Variants in AKNA observed in about 807,000 individuals in gnomAD.
AKNA encodes the protein AT-hook transcription factor, also known as microtubule organization protein AKNA.
A neutral mutation model predicts 138.8 loss-of-function variants in AKNA; 67 were observed. That is an observed-to-expected ratio of 0.48 (90% CI 0.40 to 0.59). The LOEUF (loss-of-function observed/expected upper bound fraction) is 0.59. Ranked by LOEUF, AKNA falls within the 20% of genes least tolerant of loss-of-function variation. The pLI, the probability that AKNA is intolerant of heterozygous loss-of-function variation, is 0.00. For missense variants in AKNA, 1,813 were observed against 1,880.4 expected (o/e 0.96, Z 0.66); for synonymous variants, 737 against 754.4 (o/e 0.98, Z 0.38).
At chr9:114,346,305 C>T (rs538808586) in intron 17 of AKNA, among the ~76,000 whole-genome samples, 1 of 152,292 alleles carries the variant, frequency 6.6e-6, no homozygotes, top group African/African-American at 2.4e-5. Context: ...ACAACTCGGC[C>T]AAGGACAAGT....
At chr9:114,388,923 C>T (rs1834224732), upstream of AKNA, among the ~76,000 whole-genome samples, 1 of 152,148 alleles carries the variant, frequency 6.6e-6, no homozygotes, top group Non-Finnish European at 1.5e-5. Flanking sequence ...TGGGGCTCAC[C>T]CCAGGCCAAC....
intron 3 of AKNA, among the ~76,000 whole-genome samples, chr9:114,375,734 C>CG (rs923735685): frequency 6.6e-6 from 1 of 151,398 alleles, no homozygotes. Context: ...ATTGTGGATG[C>CG]GGGGGGTAGG....
At chr9:114,364,673 C>G (rs935566869) in intron 6 of AKNA, 54 bp from the exon 7 acceptor site, 21 of 1,569,836 alleles carry the variant, frequency 1.3e-5, no homozygotes, top group Non-Finnish European at 1.8e-5. Context: ...CCTGTAGACT[C>G]CCACACCCAG....
At chr9:114,360,375 C>T (rs989208460) in intron 9 of AKNA, among the ~76,000 whole-genome samples, 3 of 152,052 alleles carry the variant, frequency 2.0e-5, no homozygotes, top group Non-Finnish European at 2.9e-5. Context: ...AATGATTTGC[C>T]CAAAGTCAAC....
At chr9:114,370,963 C>G (rs980850225) in intron 4 of AKNA, among the ~76,000 whole-genome samples, 30 of 152,332 alleles carry the variant, frequency 2.0e-4, no homozygotes, top group African/African-American at 6.5e-4. Context: ...TGGGTAATTT[C>G]TGGTCACCTC....
At chr9:114,357,820 C>G in intron 12 of AKNA, 101 bp downstream of exon 12, 1 of 1,542,504 alleles carries the variant, frequency 6.5e-7, no homozygotes, top group South Asian at 1.2e-5. Context: ...AGCAAGTATT[C>G]CAAGAAGGAA....
intron 1 of AKNA, among the ~76,000 whole-genome samples, chr9:114,383,656 G>A (rs1408597169): frequency 6.6e-6 from 1 of 152,192 alleles, no homozygotes; most frequent in Non-Finnish European, 1.5e-5. Context: ...ATGACTCCAG[G>A]CCTCCCAGGA....
chr9:114,359,378 G>T, intron 11 of AKNA: 2 of 941,276 alleles, frequency 2.1e-6, no homozygotes, highest in Non-Finnish European at 1.5e-6. Flanking sequence ...TGAGAATAAT[G>T]TTCTTTAATA....
Position 114,360,526 on chromosome 9 carries a change from T to A in AKNA, c.2125-464A>T, listed in dbSNP as rs1047130758. Among the ~76,000 whole-genome samples the A allele has an allele frequency of 5.3e-5, 8 of 152,250 alleles. No individual in the cohort carries two copies. The South Asian group carries it at 1.7e-3, about 32-fold the overall frequency. ...GGAGCATGAGGGTCCCTTAAGATATTGTACTCAGGTTTTCTCCCCATTCAA... is the reference window on the plus strand; with the variant it reads ...GGAGCATGAGGGTCCCTTAAGATATAGTACTCAGGTTTTCTCCCCATTCAA... On this transcript the variant is annotated intron_variant, in intron 9 of 21. Coordinates refer to ENST00000374088, the MANE Select transcript of AKNA (RefSeq NM_001317950.2).
chr9:114,337,503 T>C (rs909968691), intron 21 of AKNA, among the ~76,000 whole-genome samples, 197 bp from the exon 22 acceptor site: 1 of 152,030 alleles, frequency 6.6e-6, no homozygotes, highest in African/African-American at 2.4e-5. Flanking sequence ...TGAAGGAAGA[T>C]AACAACATGA....
At chr9:114,364,493 G>C (rs1588988532) in intron 7 of AKNA, 67 bp downstream of exon 7, 2 of 1,542,300 alleles carry the variant, frequency 1.3e-6, no homozygotes, top group East Asian at 4.5e-5. Context: ...GAAGGCTTCA[G>C]AGACAGAGTC....
intron 13 of AKNA, 107 bp from the exon 14 acceptor site, chr9:114,356,243 TG>T (rs1831498777): frequency 1.9e-6 from 2 of 1,032,946 alleles, no homozygotes. Flanking sequence ...TCCCACCCTT[TG>T]TAACTTTGCA....
chr9:114,392,895 A>G (rs1834397648), upstream of AKNA, among the ~76,000 whole-genome samples: 1 of 152,196 alleles, frequency 6.6e-6, no homozygotes, highest in South Asian at 2.1e-4. Flanking sequence ...CAGAACAAAC[A>G]GCCCCTTCTC....
At chr9:114,353,886 G>C (rs1296820794) in intron 14 of AKNA, among the ~76,000 whole-genome samples, 3 of 152,248 alleles carry the variant, frequency 2.0e-5, no homozygotes, top group African/African-American at 7.2e-5. Context: ...CGCAGGACTG[G>C]AAGTTGCTCT....
downstream of AKNA, chr9:114,331,652 G>T (rs376804960): frequency 1.2e-6 from 2 of 1,613,834 alleles, no homozygotes; most frequent in Non-Finnish European, 1.7e-6. Context: ...ACGATGAGAA[G>T]AACTGGGGGC....
Position 114,347,714 on chromosome 9 carries a change from G to A in AKNA, c.3398+10C>T. On this transcript the variant is annotated intron_variant, in intron 16 of 21. Transcript: ENST00000374088. Reference sequence around the variant, plus strand: ...ACCAGGACAGAGGTGGGAGTTTTGAGGTCACCCACCTGCCATAATGGGAGC... The same window carrying A: ...ACCAGGACAGAGGTGGGAGTTTTGAAGTCACCCACCTGCCATAATGGGAGC... 6.6e-7 allele frequency: 1 copy of A among 1,514,962 alleles called. No homozygotes were observed. 93.8% of individuals were successfully genotyped at this position (1,514,962 alleles called of 1,614,324 possible). A position where few individuals can be genotyped will look rare whatever the true frequency, so the allele number is the denominator to read the frequency against.
chr9:114,337,349 T>C lies in AKNA; in HGVS notation c.4068-43A>G. The stretch of plus-strand genomic sequence containing the variant: ...TGGGCTCGTTACACATGGGGAGGGC[T>C]GGGGACAAGCCGAGGAGCACCGTGT... On this transcript the variant is annotated intron_variant, in intron 21 of 21. Transcript: ENST00000374088. The C allele has an allele frequency of 2.9e-6, 4 of 1,392,744 alleles. No homozygotes were observed. The South Asian group carries it at 5.5e-5, about 19-fold the overall frequency. 86.3% of individuals were successfully genotyped at this position (1,392,744 alleles called of 1,614,324 possible).
In AKNA at chr9:114,356,942, C is replaced by CT; in HGVS notation, c.2766dup (p.Asp923ArgfsTer105). The CT allele has an allele frequency of 6.3e-7, 1 of 1,581,898 alleles. No individual in the cohort carries two copies. The highest frequency in any genetic ancestry group is 2.4e-5 in the East Asian group (1 of 41,230). On this transcript the variant is annotated frameshift_variant, in exon 13 of 22. Coordinates refer to ENST00000374088, the MANE Select transcript of AKNA (RefSeq NM_001317950.2). LOFTEE classifies it high-confidence loss of function. ...GTTTCTGAGCCCACAAAGCCACTGT[C>CT]TGTCTCTGGGGACGCCATCCAGGTC...
downstream of AKNA, chr9:114,331,568 G>A: frequency 6.2e-7 from 1 of 1,612,816 alleles, no homozygotes; most frequent in Non-Finnish European, 8.5e-7. Flanking sequence ...CTCTTCCAGA[G>A]GGAGGCCGAG....
Sources: allele counts gnomAD v4.1 joint callset (sites outside exome capture counted in the v4.1 genomes callset), GRCh38; gene constraint gnomAD v4.1.1; transcripts MANE v1.5; gene names NCBI Gene and HGNC (gene_info 2026-07-23, HGNC 2026-07-21).